ZMYND8: variants seen among roughly 807,000 people sequenced by gnomAD.
ZMYND8 encodes the protein MYND-type zinc finger-containing chromatin reader ZMYND8.
In ZMYND8, 37 loss-of-function variants were observed where a neutral mutation model predicts 140.8. That is an observed-to-expected ratio of 0.26 (90% CI 0.20 to 0.35). The LOEUF is 0.35. Ranked by LOEUF, ZMYND8 falls within the 10% of genes least tolerant of loss-of-function variation. The pLI, the probability that ZMYND8 is intolerant of heterozygous loss-of-function variation, is 1.00. For missense variants in ZMYND8, 1,068 were observed against 1,570.0 expected (o/e 0.68, Z 5.40); for synonymous variants, 592 against 597.1 (o/e 0.99, Z 0.12).
intron 3 of ZMYND8, among the ~76,000 whole-genome samples, chr20:47,306,774 G>A (rs1367634776): frequency 6.6e-6 from 1 of 151,954 alleles, no homozygotes; most frequent in Non-Finnish European, 1.5e-5. Flanking sequence ...TGGAACAATG[G>A]AACAAAGAAG....
In ZMYND8 at chr20:47,298,240, T is replaced by C. The variant is rs567011374; in HGVS notation, c.453+489A>G. 3.9e-4 allele frequency: 380 copies of C among 982,030 alleles called. No individual in the cohort carries two copies. In the Middle Eastern group the frequency reaches 4.2e-3, roughly 11 times the overall value. The allele number at this position is 982,030 out of a possible 1,614,324, so 60.8% of individuals were successfully genotyped here. ...GCACTGTCGAATTCCCAGCACCTAA[T>C]AGGCACTCAAGAAATACTTGTTGCA... On this transcript the variant is annotated intron_variant, in intron 4 of 22. Transcript: ENST00000471951. The surrounding 1 kb of genome is among the most constrained non-coding windows in gnomAD (Gnocchi z 5.0).
intron 16 of ZMYND8, among the ~76,000 whole-genome samples, chr20:47,234,704 AAAAG>A (rs1378636650): frequency 6.6e-6 from 1 of 152,236 alleles, no homozygotes; most frequent in Non-Finnish European, 1.5e-5. Context: ...AGAAGAAATA[AAAAG>A]AAACATGACC....
At chr20:47,239,965 G>T (rs1053466223) in intron 14 of ZMYND8, among the ~76,000 whole-genome samples, 3 of 152,170 alleles carry the variant, frequency 2.0e-5, no homozygotes, top group Admixed American at 1.3e-4. Context: ...GGCCAAGCAC[G>T]GTGGCTCACG....
intron 11 of ZMYND8, among the ~76,000 whole-genome samples, chr20:47,274,304 C>A (rs2076131122): frequency 6.6e-6 from 1 of 152,212 alleles, no homozygotes. Flanking sequence ...AATTTAAACA[C>A]ACGAGCCTAT....
At chr20:47,281,564 G>T (rs762144583) in intron 10 of ZMYND8, among the ~76,000 whole-genome samples, 1 of 152,142 alleles carries the variant, frequency 6.6e-6, no homozygotes, top group African/African-American at 2.4e-5. Flanking sequence ...TGCCGTGTAC[G>T]GAGGGAAAGG....
intron 2 of ZMYND8, among the ~76,000 whole-genome samples, chr20:47,329,281 A>C (rs1329254658): frequency 1.3e-5 from 2 of 152,196 alleles, no homozygotes; most frequent in South Asian, 4.1e-4. Context: ...TGCTCGAATG[A>C]TGGCAATGTT....
At chr20:47,327,687 A>C (rs1360799985) in intron 2 of ZMYND8, among the ~76,000 whole-genome samples, 2 of 152,074 alleles carry the variant, frequency 1.3e-5, no homozygotes, top group Admixed American at 6.6e-5. Context: ...ATCCCTCCAC[A>C]TAGGGCCCCC....
At chr20:47,236,876 AG>A (rs1012691297) in intron 15 of ZMYND8, among the ~76,000 whole-genome samples, 3 of 152,188 alleles carry the variant, frequency 2.0e-5, no homozygotes, top group Non-Finnish European at 4.4e-5. Context: ...ATGGGAGAGT[AG>A]GGGCCCAACT....
intron 5 of ZMYND8, among the ~76,000 whole-genome samples, chr20:47,294,354 A>G (rs2077502482): frequency 6.9e-6 from 1 of 144,496 alleles, no homozygotes; most frequent in Non-Finnish European, 1.5e-5. Flanking sequence ...TCCATCTCAG[A>G]AAAACAAACA....
chr20:47,276,306 G>C lies in ZMYND8; in HGVS notation c.1480+8C>G, dbSNP rs751663056. 2 of 1,544,354 alleles carry C rather than the reference G, an allele frequency of 1.3e-6. No homozygotes were observed. Among genetic ancestry groups the C allele is most frequent in the Middle Eastern group, 1.9e-4 (1 of 5,268 alleles). ...GGCCTCCTCCCCGCTCCCCCGCACGGAGCTGACCTGTGCTCTTATCCAGGA... is the reference window on the plus strand; with the variant it reads ...GGCCTCCTCCCCGCTCCCCCGCACGCAGCTGACCTGTGCTCTTATCCAGGA... On this transcript the variant is annotated splice_region_variant and intron_variant, in intron 11 of 22. Coordinates refer to ENST00000471951, the MANE Select transcript of ZMYND8 (RefSeq NM_001281775.3).
chr20:47,239,263 G>T, intron 14 of ZMYND8, 125 bp from the exon 15 acceptor site: 1 of 1,296,058 alleles, frequency 7.7e-7, no homozygotes, highest in Middle Eastern at 2.8e-4. Flanking sequence ...CCAATTCGAC[G>T]TGCCAAGCAC....
At chr20:47,308,518 G>C (rs899971044) in intron 3 of ZMYND8, among the ~76,000 whole-genome samples, 1 of 152,242 alleles carries the variant, frequency 6.6e-6, no homozygotes, top group African/African-American at 2.4e-5. Context: ...ACCGCGCCTG[G>C]CCAGACATGA....
In ZMYND8 at chr20:47,221,406, T is replaced by A. The variant is rs2036918058; in HGVS notation, c.3325A>T (p.Ser1109Cys). The change falls in exon 20 of 23, where the codon AGC becomes TGC. Residue 1109 changes from serine to cysteine, a missense_variant. Coordinates refer to ENST00000471951, the MANE Select transcript of ZMYND8 (RefSeq NM_001281775.3). The part of the protein sequence containing the change: ...TETLNKSSQG[S>C]SSSTQSAPSE... ...GGTGCTGATTGTGTGCTCGAGGAGC[T>A]CCCCTGGGAGGACTTATTTAGTGTT... The A allele has an allele frequency of 6.2e-7, 1 of 1,614,032 alleles. No individual in the cohort carries two copies. Among genetic ancestry groups the A allele is most frequent in the Admixed American group, 1.7e-5 (1 of 60,000 alleles).
intron 15 of ZMYND8, chr20:47,237,420 A>G (rs1323887219): frequency 6.6e-6 from 1 of 151,820 alleles, no homozygotes; most frequent in Non-Finnish European, 1.5e-5. Context: ...GGCCTCCCAA[A>G]GTGCTGGGAT....
intron 12 of ZMYND8, among the ~76,000 whole-genome samples, chr20:47,250,147 G>GC (rs1291070525): frequency 2.0e-5 from 3 of 152,194 alleles, no homozygotes; most frequent in Non-Finnish European, 4.4e-5. Flanking sequence ...CCAGGCAGAG[G>GC]CCTCTGGGGG....
intron 4 of ZMYND8, among the ~76,000 whole-genome samples, chr20:47,295,269 C>T (rs1331844789): frequency 2.6e-5 from 4 of 152,154 alleles, no homozygotes; most frequent in East Asian, 3.9e-4. Context: ...GGCACGCATC[C>T]GTAGTCCCAG....
At chr20:47,356,521 T>C (rs1275181213) in intron 1 of ZMYND8, 136 bp downstream of exon 1, 2 of 1,609,486 alleles carry the variant, frequency 1.2e-6, no homozygotes, top group Non-Finnish European at 8.5e-7. Context: ...AAATTCTCTC[T>C]AAACAGTTCC....
intron 3 of ZMYND8, among the ~76,000 whole-genome samples, chr20:47,307,373 G>A (rs533639963): frequency 6.6e-6 from 1 of 151,800 alleles, no homozygotes; most frequent in South Asian, 2.1e-4. Context: ...CAGGAGAATC[G>A]CTTGAACCCA....
chr20:47,238,449 GGAAGA>G, intron 15 of ZMYND8: 1 of 457,840 alleles, frequency 2.2e-6, no homozygotes, highest in Non-Finnish European at 4.0e-6. Flanking sequence ...ACTGTGGAAG[GGAAGA>G]GAATGAAATG....
Sources: gnomAD v4.1 joint callset for allele counts (sites outside exome capture counted in the v4.1 genomes callset) on GRCh38, gnomAD v4.1.1 for gene constraint, Gnocchi (gnomAD v3.1) non-coding constraint, MANE v1.5 for transcripts, NCBI Gene and HGNC (gene_info 2026-07-23, HGNC 2026-07-21) for gene names.